Variants in RNF128 observed in about 807,000 individuals in gnomAD.
RNF128 encodes the protein ring finger protein 128, also known as E3 ubiquitin-protein ligase RNF128.
A neutral mutation model predicts 26.2 loss-of-function variants in RNF128; 13 were observed. That is an observed-to-expected ratio of 0.50 (90% CI 0.32 to 0.79). RNF128 has a LOEUF of 0.79. Ranked by LOEUF, RNF128 falls within the 30% of genes least tolerant of loss-of-function variation. The pLI is 0.03. For synonymous variants in RNF128, 149 were observed against 142.5 expected, an observed-to-expected ratio of 1.05 and a Z score of -0.32; for missense variants, 315 against 349.7, an observed-to-expected ratio of 0.90 and a Z score of 0.79.
At chrX:106,770,600 C>T (rs1054030901) in intron 1 of RNF128, among the ~76,000 whole-genome samples, 36 of 111,510 alleles carry the variant, frequency 3.2e-4, no homozygotes, top group Non-Finnish European at 3.8e-5. Context: ...CAGCTCCATC[C>T]GGTCATTTAA....
intron 6 of RNF128, among the ~76,000 whole-genome samples, chrX:106,794,749 T>C (rs192928857): frequency 9.0e-6 from 1 of 111,408 alleles, no homozygotes; most frequent in East Asian, 2.8e-4. Flanking sequence ...TCTGTCATTT[T>C]ATCTATCTAT....
chrX:106,785,454 G>C (rs1005299554), intron 3 of RNF128, among the ~76,000 whole-genome samples: 2 of 111,450 alleles, frequency 1.8e-5, no homozygotes, highest in Non-Finnish European at 3.8e-5. Context: ...CCTTATAAGA[G>C]GGAGAGAGAG....
rs750689534 is a variant in RNF128 at position 106,728,625 on chromosome X, C to T, written c.484+1228C>T. ...TCTTAAAACCTTATGACTGAACCTG[C>T]CTAGAGAGCACTTGTATTGAGTGGC... On this transcript the variant is annotated intron_variant, in intron 1 of 6. Coordinates refer to ENST00000255499, the MANE Select transcript of RNF128 (RefSeq NM_194463.2). Among the ~76,000 whole-genome samples the T allele has an allele frequency of 7.4e-4, 83 of 111,547 alleles. 1 individual carries two copies. Among genetic ancestry groups the T allele is most frequent in the Non-Finnish European group, 1.5e-4 (8 of 53,088 alleles).
chrX:106,770,211 C>A (rs997598921), intron 1 of RNF128, among the ~76,000 whole-genome samples: 10 of 111,458 alleles, frequency 9.0e-5, no homozygotes, highest in South Asian at 3.9e-4. Context: ...GTGAATCTGA[C>A]AATTATGTGT....
intron 1 of RNF128, among the ~76,000 whole-genome samples, chrX:106,737,564 A>C (rs1258796758): frequency 8.9e-6 from 1 of 112,069 alleles, no homozygotes; most frequent in African/African-American, 3.2e-5. Flanking sequence ...ACAAGAGAAG[A>C]AAGTCTGTAC....
chrX:106,736,105 C>T (rs1929592196), intron 1 of RNF128, among the ~76,000 whole-genome samples: 1 of 111,407 alleles, frequency 9.0e-6, no homozygotes, highest in Admixed American at 9.6e-5. Flanking sequence ...ACACTGACTT[C>T]ATCTAATGGT....
chrX:106,773,198 T>G (rs773943071), intron 2 of RNF128, 38 bp downstream of exon 2: 4 of 1,163,678 alleles, frequency 3.4e-6, no homozygotes, highest in Admixed American at 2.5e-5. Flanking sequence ...TAAAAAAAAT[T>G]TACTGTTCTA....
At chrX:106,769,547 T>TG (rs1930328543) in intron 1 of RNF128, among the ~76,000 whole-genome samples, 1 of 635 alleles carries the variant, frequency 1.6e-3, no homozygotes, top group Non-Finnish European at 7.1e-3. Flanking sequence ...ACCTGCTTTG[T>TG]TTTTTTTTTT....
chrX:106,738,802 T>C (rs745740600), intron 1 of RNF128, among the ~76,000 whole-genome samples: 7 of 111,389 alleles, frequency 6.3e-5, no homozygotes, highest in Non-Finnish European at 1.3e-4. Context: ...GTCATAGGGT[T>C]ATTGTGAGGT....
chrX:106,773,452 T>C (rs1211004648), intron 2 of RNF128, among the ~76,000 whole-genome samples: 1 of 112,074 alleles, frequency 8.9e-6, no homozygotes, highest in Non-Finnish European at 1.9e-5. Flanking sequence ...AAACATTTTT[T>C]TCTAAATTAC....
At position 106,701,620 on chromosome X, in the gene RNF128, ATTT is replaced by A; in HGVS notation, c.406+7214_406+7216del. The stretch of plus-strand genomic sequence containing the variant: ...TAGGTAAAAGGGACAATTTTGGGTT[ATTT>A]TCCAAATACAATTTTATTAGTGCCC... On this transcript the variant is annotated intron_variant, in intron 1 of 6. Coordinates refer to the RNF128 transcript ENST00000324342. 5.4e-5 allele frequency among the ~76,000 whole-genome samples: 6 copies of A among 111,493 alleles called. No individual in the cohort carries two copies. The East Asian group carries it at 1.4e-3, about 26-fold the overall frequency.
At chrX:106,754,645 A>G (rs779888040) in intron 1 of RNF128, among the ~76,000 whole-genome samples, 4 of 109,457 alleles carry the variant, frequency 3.7e-5, no homozygotes, top group Admixed American at 9.9e-5. Flanking sequence ...AACTTTGGAA[A>G]CTATACAAAT....
chrX:106,726,620 T>C, upstream of RNF128: 1 of 927,851 alleles, frequency 1.1e-6, no homozygotes, highest in South Asian at 3.6e-5. Context: ...CGCAGTGTCC[T>C]TTCCTCCCTC....
At chrX:106,726,007 A>T (rs769945461), upstream of RNF128, among the ~76,000 whole-genome samples, 2 of 113,255 alleles carry the variant, frequency 1.8e-5, no homozygotes, top group Non-Finnish European at 3.7e-5. Flanking sequence ...AAGGTCATGA[A>T]TAGCGCAGGA....
chrX:106,698,143 T>G (rs1465809438), intron 1 of RNF128, among the ~76,000 whole-genome samples: 2 of 105,131 alleles, frequency 1.9e-5, no homozygotes, highest in Non-Finnish European at 3.9e-5. Context: ...CCTGAGTTAT[T>G]CAAGCAGAAG....
At chrX:106,704,838 A>G (rs1374804332) in intron 1 of RNF128, among the ~76,000 whole-genome samples, 4 of 111,814 alleles carry the variant, frequency 3.6e-5, no homozygotes, top group African/African-American at 1.3e-4. Context: ...CAATAATGTA[A>G]AGATTAGAAA....
rs1268559294 is a variant in RNF128, at chrX:106,785,080, G to A, written c.748G>A (p.Asp250Asn). 2.5e-6 allele frequency: 3 copies of A among 1,179,455 alleles called. No homozygotes were observed. The highest frequency in any genetic ancestry group is 3.4e-6 in the Non-Finnish European group (3 of 883,425). Residue 250 changes from aspartate (D) to asparagine (N), a missense_variant, in exon 3 of 7, where the codon GAT (aspartate) becomes AAT (asparagine). Asp to Asn is a conservative substitution (Grantham distance 23, BLOSUM62 1). Transcript: ENST00000255499. ...QSRKQRQLKA[D>N]AKKAIGRLQL... is the part of the protein sequence containing the mutation. ...TTTTTTACAGAGGCAATTAAAGGCA[G>A]ATGCTAAAAAAGCTATTGGAAGGCT...
intron 1 of RNF128, among the ~76,000 whole-genome samples, chrX:106,695,089 A>G (rs1331818074): frequency 9.0e-6 from 1 of 111,601 alleles, no homozygotes; most frequent in East Asian, 2.8e-4. Flanking sequence ...TAAAGGAGTT[A>G]CTTCTGAAAA....
chrX:106,735,169 GTGATTCATGC>G (rs1442363734), intron 1 of RNF128, among the ~76,000 whole-genome samples: 3 of 111,527 alleles, frequency 2.7e-5, no homozygotes, highest in Non-Finnish European at 5.6e-5. Context: ...GGAAAGTTTG[GTGATTCATGC>G]TGACCTCTGG....
Sources: gnomAD v4.1 joint callset for allele counts (sites outside exome capture counted in the v4.1 genomes callset) on GRCh38, gnomAD v4.1.1 for gene constraint, MANE v1.5 for transcripts, NCBI Gene and HGNC (gene_info 2026-07-23, HGNC 2026-07-21) for gene names.